PARD3: variants seen among roughly 807,000 people sequenced by gnomAD.
PARD3 encodes the protein par-3 family cell polarity regulator.
A neutral mutation model predicts 155.4 loss-of-function variants in PARD3; 75 were observed. That is an observed-to-expected ratio of 0.48 (90% CI 0.40 to 0.58). PARD3 has a LOEUF of 0.58. Ranked by LOEUF, PARD3 falls within the 20% of genes least tolerant of loss-of-function variation. The pLI, the probability that PARD3 is intolerant of heterozygous loss-of-function variation, is 0.00. For synonymous variants in PARD3, 576 were observed against 610.5 expected, an observed-to-expected ratio of 0.94 and a Z score of 0.83; for missense variants, 1,642 against 1,721.7, an observed-to-expected ratio of 0.95 and a Z score of 0.82.
intron 1 of PARD3, among the ~76,000 whole-genome samples, chr10:34,808,676 G>A (rs1029412581): frequency 6.6e-6 from 1 of 152,126 alleles, no homozygotes; most frequent in African/African-American, 2.4e-5. Flanking sequence ...AATCATCTAT[G>A]GGGAGCTCAA....
intron 2 of PARD3, among the ~76,000 whole-genome samples, chr10:34,560,418 TTG>T (rs1475232195): frequency 1.3e-5 from 2 of 152,146 alleles, no homozygotes; most frequent in Non-Finnish European, 2.9e-5. Context: ...ATTCTAATAT[TTG>T]ACGAGTTCAG....
intron 3 of PARD3, among the ~76,000 whole-genome samples, chr10:34,484,152 G>C (rs1257155530): frequency 6.6e-6 from 1 of 152,174 alleles, no homozygotes; most frequent in Non-Finnish European, 1.5e-5. Flanking sequence ...ATGAAAACCA[G>C]AGCAAGAAGG....
chr10:34,569,991 CTTT>C (rs920362206), intron 2 of PARD3, among the ~76,000 whole-genome samples: 21 of 151,256 alleles, frequency 1.4e-4, no homozygotes, highest in African/African-American at 4.1e-4. Context: ...TATCGTAAGA[CTTT>C]TTTATTTCCC....
At chr10:34,146,750 A>T (rs890552087) in intron 22 of PARD3, among the ~76,000 whole-genome samples, 2 of 152,150 alleles carry the variant, frequency 1.3e-5, no homozygotes, top group African/African-American at 4.8e-5. Context: ...ATCTCTCAGG[A>T]GTATCCCACT....
At position 34,456,379 on chromosome 10, in the gene PARD3, C is replaced by T. The variant is rs189291073; in HGVS notation, c.583-5931G>A. Among the ~76,000 whole-genome samples, 1,325 of 152,290 alleles carry T rather than the reference C, an allele frequency of 8.7e-3. 22 individuals are homozygous for T. The highest frequency in any genetic ancestry group is 0.03 in the African/African-American group (1,241 of 41,558). ...TGGCTCAATCTCGGCTCACCACAAC[C>T]TCCGTCTCCCTGGTTCAAACGATTC... On this transcript the variant is annotated intron_variant, in intron 4 of 24. Coordinates refer to ENST00000374788, the MANE Select transcript of PARD3 (RefSeq NM_001184785.2).
chr10:34,710,508 T>A (rs772318022), intron 1 of PARD3, among the ~76,000 whole-genome samples: 1 of 152,182 alleles, frequency 6.6e-6, no homozygotes, highest in Non-Finnish European at 1.5e-5. Context: ...CTGTGCCACA[T>A]CTTGCTACAT....
chr10:34,806,410 C>T (rs1053112636), intron 1 of PARD3, among the ~76,000 whole-genome samples: 2 of 152,006 alleles, frequency 1.3e-5, no homozygotes, highest in Non-Finnish European at 2.9e-5. Flanking sequence ...TGGCCAGGCT[C>T]GAACTCCTGA....
chr10:34,157,099 G>T (rs1025816), intron 22 of PARD3, among the ~76,000 whole-genome samples: 2,134 of 152,294 alleles, frequency 0.014, 52 homozygotes, highest in African/African-American at 0.049. Flanking sequence ...AGTTGTACAT[G>T]GATCTCAGCA....
intron 2 of PARD3, among the ~76,000 whole-genome samples, chr10:34,536,273 A>G (rs2083223588): frequency 6.6e-6 from 1 of 152,210 alleles, no homozygotes; most frequent in Admixed American, 6.5e-5. Flanking sequence ...AAGTACTTAA[A>G]TCATTTAATG....
At chr10:34,445,512 G>C (rs1225067904) in intron 5 of PARD3, among the ~76,000 whole-genome samples, 4 of 152,056 alleles carry the variant, frequency 2.6e-5, no homozygotes, top group African/African-American at 9.7e-5. Flanking sequence ...TTTAGACTTA[G>C]GTACCTTCTC....
intron 7 of PARD3, among the ~76,000 whole-genome samples, chr10:34,387,952 C>T (rs76458206): frequency 3.9e-5 from 6 of 152,240 alleles, no homozygotes; most frequent in African/African-American, 1.4e-4. Context: ...TTCTACAAAT[C>T]ATAAATACAC....
chr10:34,789,099 T>C (rs1045212221), intron 1 of PARD3, among the ~76,000 whole-genome samples: 1 of 152,242 alleles, frequency 6.6e-6, no homozygotes, highest in African/African-American at 2.4e-5. Flanking sequence ...TTAATACTTG[T>C]ATATCCACAT....
chr10:34,434,371 CATCTT>C (rs1564709045), intron 5 of PARD3, among the ~76,000 whole-genome samples: 1 of 152,232 alleles, frequency 6.6e-6, no homozygotes, highest in Non-Finnish European at 1.5e-5. Flanking sequence ...TTCCATGACT[CATCTT>C]ATCTCATCCT....
chr10:34,509,609 A>G (rs1388160432), intron 3 of PARD3, among the ~76,000 whole-genome samples: 1 of 152,246 alleles, frequency 6.6e-6, no homozygotes, highest in Non-Finnish European at 1.5e-5. Flanking sequence ...AAATGGAAAA[A>G]GTACAATACT....
At chr10:34,176,640 T>C (rs1301179089) in intron 22 of PARD3, among the ~76,000 whole-genome samples, 1 of 152,198 alleles carries the variant, frequency 6.6e-6, no homozygotes, top group Non-Finnish European at 1.5e-5. Flanking sequence ...GGCTTGCCAA[T>C]CATTCCTCCA....
At chr10:34,665,840 AAGAACAGAACAGAAC>A (rs60764123) in intron 2 of PARD3, among the ~76,000 whole-genome samples, 6,567 of 136,634 alleles carry the variant, frequency 0.048, 260 homozygotes, top group African/African-American at 0.099. Flanking sequence ...GTCTCAATTA[AAGAACAGAACAGAAC>A]AGAACAGAAC....
chr10:34,373,643 T>C (rs1043229095), intron 11 of PARD3, among the ~76,000 whole-genome samples: 8 of 152,012 alleles, frequency 5.3e-5, no homozygotes, highest in Non-Finnish European at 7.4e-5. Context: ...AAACTGAATT[T>C]AAATTGAGAA....
chr10:34,644,190 T>C (rs1564454067), intron 2 of PARD3, among the ~76,000 whole-genome samples: 1 of 151,968 alleles, frequency 6.6e-6, no homozygotes, highest in Non-Finnish European at 1.5e-5. Context: ...GCTTCTAGAG[T>C]CAAATCTGCC....
At chr10:34,663,219 T>C (rs1004566595) in intron 2 of PARD3, among the ~76,000 whole-genome samples, 23 of 152,036 alleles carry the variant, frequency 1.5e-4, no homozygotes, top group African/African-American at 1.9e-4. Flanking sequence ...TCCTAGCACT[T>C]TGGGAGGGCC....
Sources: gnomAD v4.1 joint callset for allele counts (sites outside exome capture counted in the v4.1 genomes callset) on GRCh38, gnomAD v4.1.1 for gene constraint, MANE v1.5 for transcripts, NCBI Gene and HGNC (gene_info 2026-07-23, HGNC 2026-07-21) for gene names.